SLC6A6: variants seen among roughly 807,000 people sequenced by gnomAD.
SLC6A6 encodes the protein sodium- and chloride-dependent taurine transporter.
In SLC6A6, 16 loss-of-function variants were observed where a neutral mutation model predicts 68.8. The observed-to-expected ratio is 0.23, with a 90% CI of 0.16 to 0.35. The LOEUF (loss-of-function observed/expected upper bound fraction) is 0.35. Ranked by LOEUF, SLC6A6 falls within the 10% of genes least tolerant of loss-of-function variation. The pLI is 1.00. For synonymous variants in SLC6A6, 312 were observed against 315.4 expected (o/e 0.99, Z 0.12); for missense variants, 474 against 802.8 (o/e 0.59, Z 4.95).
intron 6 of SLC6A6, among the ~76,000 whole-genome samples, chr3:14,463,117 G>A (rs1700532673): frequency 6.6e-6 from 1 of 152,164 alleles, no homozygotes; most frequent in Non-Finnish European, 1.5e-5. Flanking sequence ...CGGCTGAGGT[G>A]GCGTGACCAG....
chr3:14,479,195 AT>A lies in SLC6A6; in HGVS notation c.1551+13del, dbSNP rs1374755947. 6.4e-7 allele frequency: 1 copy of A among 1,562,930 alleles called. No individual in the cohort carries two copies. Among genetic ancestry groups the A allele is most frequent in the Non-Finnish European group, 8.8e-7 (1 of 1,133,254 alleles). On this transcript the variant is annotated intron_variant, in intron 13 of 14. Coordinates refer to ENST00000622186, the MANE Select transcript of SLC6A6 (RefSeq NM_003043.6). The stretch of plus-strand genomic sequence containing the variant: ...TCCAGTTCTCTGTGTTGTGAGTTCC[AT>A]TTCTGTGGCTCTGGCTGGTGGCCTC...
intron 2 of SLC6A6, among the ~76,000 whole-genome samples, chr3:14,425,962 TG>T (rs5846837): frequency 1 from 152,332 of 152,332 alleles, 76,166 homozygotes; most frequent in Non-Finnish European, 1. Context: ...AATGGGAAGA[TG>T]CCTTGCAAGC....
chr3:14,463,774 A>T (rs940150158), intron 6 of SLC6A6, among the ~76,000 whole-genome samples: 4 of 152,056 alleles, frequency 2.6e-5, no homozygotes, highest in African/African-American at 9.7e-5. Context: ...AGGAGAAGAG[A>T]TGACGGTGGC....
chr3:14,449,728 GAGAATCC>G (rs1700212930), intron 5 of SLC6A6, among the ~76,000 whole-genome samples: 3 of 152,140 alleles, frequency 2.0e-5, no homozygotes, highest in Admixed American at 6.5e-5. Flanking sequence ...GGCCAGCCCT[GAGAATCC>G]ATTATTATTA....
intron 5 of SLC6A6, among the ~76,000 whole-genome samples, chr3:14,453,679 T>C (rs1052948465): frequency 1.1e-4 from 16 of 152,332 alleles, no homozygotes; most frequent in Admixed American, 9.8e-4. Flanking sequence ...AGATAGCACA[T>C]GTACAATTAT....
At chr3:14,466,316 T>C (rs1386220484) in intron 6 of SLC6A6, among the ~76,000 whole-genome samples, 200 bp from the exon 7 acceptor site, 1 of 142,938 alleles carries the variant, frequency 7.0e-6, no homozygotes, top group Non-Finnish European at 1.5e-5. Flanking sequence ...TACCTGTATA[T>C]ACCCAGATTA....
intron 5 of SLC6A6, among the ~76,000 whole-genome samples, chr3:14,454,412 C>T (rs1559303620): frequency 6.6e-6 from 1 of 152,136 alleles, no homozygotes; most frequent in African/African-American, 2.4e-5. Flanking sequence ...GTTTACTGAG[C>T]ACGCCCTCAC....
At chr3:14,483,977 A>G (rs934153403) in intron 14 of SLC6A6, among the ~76,000 whole-genome samples, 3 of 152,164 alleles carry the variant, frequency 2.0e-5, no homozygotes, top group Admixed American at 1.3e-4. Flanking sequence ...TTTAAATGAA[A>G]TACTGTAGCT....
At chr3:14,412,608 C>A (rs1020453687) in intron 1 of SLC6A6, among the ~76,000 whole-genome samples, 2 of 152,178 alleles carry the variant, frequency 1.3e-5, no homozygotes, top group African/African-American at 4.8e-5. Flanking sequence ...TTGTACTGAG[C>A]TGAGATCGTG....
rs1038810468 is a variant in SLC6A6 at position 14,403,547 on chromosome 3, G to C, written c.-54+700G>C. 2.6e-5 allele frequency among the ~76,000 whole-genome samples: 4 copies of C among 152,296 alleles called. No individual in the cohort carries two copies. In the South Asian group the frequency reaches 8.3e-4, roughly 32 times the overall value. ...GGTTCTCCAGGGCCGGCGCTGAGTGGGGAGAGGTGATAGGGCAGCGTGGCT... is the reference window on the plus strand; with the variant it reads ...GGTTCTCCAGGGCCGGCGCTGAGTGCGGAGAGGTGATAGGGCAGCGTGGCT... On this transcript the variant is annotated intron_variant, in intron 1 of 14. Transcript: ENST00000622186.
intron 14 of SLC6A6, among the ~76,000 whole-genome samples, chr3:14,482,442 C>T (rs1404015532): frequency 1.3e-5 from 2 of 152,242 alleles, no homozygotes; most frequent in African/African-American, 4.8e-5. Context: ...CTCCAACAGC[C>T]CTGGAGATCC....
intron 4 of SLC6A6, among the ~76,000 whole-genome samples, chr3:14,446,540 A>C (rs926261141): frequency 1.8e-4 from 28 of 152,038 alleles, no homozygotes; most frequent in Non-Finnish European, 3.1e-4. Flanking sequence ...CTGCACCTGC[A>C]CCCCCTGAAT....
intron 2 of SLC6A6, among the ~76,000 whole-genome samples, 191 bp from the exon 3 acceptor site, chr3:14,443,433 C>T (rs1252558589): frequency 1.3e-5 from 2 of 152,156 alleles, no homozygotes; most frequent in African/African-American, 4.8e-5. Flanking sequence ...CTTGAGGTCC[C>T]TGGTCCATGA....
intron 2 of SLC6A6, among the ~76,000 whole-genome samples, chr3:14,429,798 C>G (rs948630174): frequency 2.0e-5 from 3 of 152,316 alleles, no homozygotes; most frequent in Middle Eastern, 3.4e-3. Context: ...CTAGTCCCTC[C>G]TAAGATCCCA....
chr3:14,471,085 G>C (rs926080957), intron 9 of SLC6A6, among the ~76,000 whole-genome samples: 2 of 146,310 alleles, frequency 1.4e-5, no homozygotes, highest in Non-Finnish European at 3.0e-5. Flanking sequence ...TCTAATCCCT[G>C]CTGAACAGCT....
In SLC6A6 at chr3:14,468,142, C is replaced by A; in HGVS notation, c.1026C>A (p.Phe342Leu). Residue 342 changes from phenylalanine (F) to leucine (L), a missense_variant, in exon 9 of 15, where the codon TTC becomes TTA. By Grantham distance (22) the Phe-to-Leu change is conservative. Around this residue, in one of 2 missense-constraint regions of SLC6A6, gnomAD observed 280 missense variants for 533.1 expected, o/e 0.53. Transcript: ENST00000622186. The surrounding 1 kb of genome is among the most constrained non-coding windows in gnomAD (Gnocchi z 4.5). ...GTGGTACCAGTTTTGTGTCTGGCTT[C>A]GCAATTTTTTCCATCCTGGGCTTCA... ...LNSGTSFVSG[F>L]AIFSILGFMA... 1 of 1,614,026 alleles carries A rather than the reference C, an allele frequency of 6.2e-7. No homozygotes were observed. The highest frequency in any genetic ancestry group is 8.5e-7 in the Non-Finnish European group (1 of 1,179,996).
chr3:14,441,789 C>T (rs1574934835), intron 2 of SLC6A6, among the ~76,000 whole-genome samples: 2 of 152,242 alleles, frequency 1.3e-5, no homozygotes, highest in African/African-American at 4.8e-5. Flanking sequence ...TTGGCAAAGC[C>T]AGGGTTTGCA....
At position 14,484,764 on chromosome 3, in the gene SLC6A6, C is replaced by T. The variant is rs902752611; in HGVS notation, c.1723-103C>T. ...AGAGAGGGTGTGAGTTTACCAAAAA[C>T]CAAACAGCACATGAGCCAATTCAGG... On this transcript the variant is annotated intron_variant, in intron 14 of 14. Transcript: ENST00000622186. 11 of 1,247,024 alleles carry T rather than the reference C, an allele frequency of 8.8e-6. No individual in the cohort carries two copies. In the African/African-American group the frequency reaches 1.5e-4, roughly 17 times the overall value. The allele number at this position is 1,247,024 out of a possible 1,614,324, so 77.2% of individuals were successfully genotyped here.
chr3:14,430,604 G>A lies in SLC6A6; in HGVS notation c.-11-13020G>A, dbSNP rs183741419. Among the ~76,000 whole-genome samples, 13 of 152,304 alleles carry A rather than the reference G, an allele frequency of 8.5e-5. No individual in the cohort carries two copies. The East Asian group carries it at 1.5e-3, about 18-fold the overall frequency. On this transcript the variant is annotated intron_variant, in intron 2 of 14. Coordinates refer to ENST00000622186, the MANE Select transcript of SLC6A6 (RefSeq NM_003043.6). ...CTTTTCTTCTGGCTGAGCAGTAGCC[G>A]CTGTTAGGCACCATCTTGTAGTGCT... is the stretch of plus-strand genomic sequence containing the variant.
Sources: gnomAD v4.1 joint callset for allele counts (sites outside exome capture counted in the v4.1 genomes callset) on GRCh38, gnomAD v4.1.1 for gene constraint, gnomAD v4.1.1 regional missense constraint, Gnocchi (gnomAD v3.1) non-coding constraint, MANE v1.5 for transcripts, NCBI Gene and HGNC (gene_info 2026-07-23, HGNC 2026-07-21) for gene names.